The following NBAS variants were observed in gnomAD, a reference collection of about 807,000 sequenced individuals.
NBAS encodes the protein NAG/BC035112 fusion.
Under a neutral mutation model 302.5 loss-of-function variants are expected in NBAS, and 219 were observed. That is an observed-to-expected ratio of 0.72 (90% CI 0.65 to 0.81). The LOEUF (loss-of-function observed/expected upper bound fraction) is 0.81. Ranked by LOEUF, NBAS falls within the 30% of genes least tolerant of loss-of-function variation. NBAS has a pLI of 0.00. For synonymous variants in NBAS, 1,118 were observed against 1,021.6 expected, an observed-to-expected ratio of 1.09 and a Z score of -1.80; for missense variants, 2,932 against 2,841.6, an observed-to-expected ratio of 1.03 and a Z score of -0.72.
At chr2:15,230,176 C>T (rs895186999) in intron 47 of NBAS, among the ~76,000 whole-genome samples, 1 of 152,082 alleles carries the variant, frequency 6.6e-6, no homozygotes, top group African/African-American at 2.4e-5. Context: ...AATAACTTGA[C>T]AGCATTACTT....
At chr2:15,276,036 T>C (rs1004619583) in intron 43 of NBAS, among the ~76,000 whole-genome samples, 1 of 152,160 alleles carries the variant, frequency 6.6e-6, no homozygotes, top group African/African-American at 2.4e-5. Flanking sequence ...AGATAGGCCA[T>C]TCATCTTCTG....
rs143350151 is a variant in NBAS at position 15,190,442 on chromosome 2, G to C, written c.6433-39C>G. On this transcript the variant is annotated intron_variant, in intron 48 of 51. Transcript: ENST00000281513. ...TACACACTTAAAGCTGGTGGCAAAGGCTACTGAATTGGTTTATAGAATAAT... is the reference window on the plus strand; with the variant it reads ...TACACACTTAAAGCTGGTGGCAAAGCCTACTGAATTGGTTTATAGAATAAT... 13,363 of 1,611,520 alleles carry C rather than the reference G, an allele frequency of 8.3e-3. 74 individuals are homozygous for C. Among genetic ancestry groups the C allele is most frequent in the Non-Finnish European group, 9.5e-3 (11,166 of 1,178,402 alleles).
At chr2:14,927,451 T>C in the NBAS span, among the ~76,000 whole-genome samples, 1 of 152,224 alleles carries the variant, frequency 6.6e-6, no homozygotes, top group Non-Finnish European at 1.5e-5. Context: ...ACATTTTCTT[T>C]GTCCATCCCC....
intron 38 of NBAS, among the ~76,000 whole-genome samples, chr2:15,316,619 C>A (rs1021796593): frequency 1.3e-5 from 2 of 152,234 alleles, no homozygotes; most frequent in Non-Finnish European, 2.9e-5. Context: ...GCCTTGCTCA[C>A]TGCTAGCGCA....
At chr2:15,009,426 G>A in the NBAS span, among the ~76,000 whole-genome samples, 1 of 151,654 alleles carries the variant, frequency 6.6e-6, no homozygotes, top group South Asian at 2.1e-4. Flanking sequence ...AATTTTCAAA[G>A]ATTCTTAAAC....
the NBAS span, among the ~76,000 whole-genome samples, chr2:14,964,920 A>C: frequency 6.6e-6 from 1 of 152,278 alleles, no homozygotes; most frequent in Admixed American, 6.5e-5. Flanking sequence ...AAAACTAAAC[A>C]ACACACTTCT....
intron 50 of NBAS, 130 bp from the exon 51 acceptor site, chr2:15,179,246 C>T (rs1437773901): frequency 1.4e-5 from 19 of 1,366,406 alleles, no homozygotes; most frequent in East Asian, 5.0e-5. Context: ...CATATGGTAC[C>T]GCACTGGATA....
intron 49 of NBAS, 23 bp from the exon 50 acceptor site, chr2:15,186,903 C>T (rs372369175): frequency 1.2e-6 from 2 of 1,613,782 alleles, no homozygotes; most frequent in Non-Finnish European, 1.7e-6. Context: ...GAGAAAAATA[C>T]AAGGCACTGG....
chr2:14,994,859 C>A, the NBAS span, among the ~76,000 whole-genome samples: 1 of 152,198 alleles, frequency 6.6e-6, no homozygotes, highest in South Asian at 2.1e-4. Context: ...TATCAGGTAA[C>A]TTCCCAACAG....
the NBAS span, among the ~76,000 whole-genome samples, chr2:14,995,133 A>C: frequency 6.6e-6 from 1 of 152,282 alleles, no homozygotes; most frequent in African/African-American, 2.4e-5. Flanking sequence ...ATATGTACAC[A>C]TGTGCCATGT....
intron 12 of NBAS, among the ~76,000 whole-genome samples, chr2:15,480,758 A>G (rs1425270380): frequency 6.6e-6 from 1 of 152,176 alleles, no homozygotes; most frequent in Non-Finnish European, 1.5e-5. Context: ...GCAGGTTTTA[A>G]TTATCTTGAT....
the NBAS span, among the ~76,000 whole-genome samples, chr2:14,887,086 A>G: frequency 6.6e-6 from 1 of 152,190 alleles, no homozygotes; most frequent in Non-Finnish European, 1.5e-5. Flanking sequence ...TGCATAATTC[A>G]TATTGAACTG....
chr2:15,511,955 C>T (rs192137294), intron 9 of NBAS, among the ~76,000 whole-genome samples: 42 of 152,242 alleles, frequency 2.8e-4, no homozygotes, highest in Admixed American at 7.8e-4. Flanking sequence ...ACTGTGTAAC[C>T]ACTATATAAA....
intron 51 of NBAS, among the ~76,000 whole-genome samples, chr2:15,168,116 T>G (rs560297537): frequency 4.1e-4 from 63 of 152,352 alleles, no homozygotes; most frequent in African/African-American, 1.4e-3. Context: ...TCCACACTGA[T>G]CATATTATCA....
intron 38 of NBAS, among the ~76,000 whole-genome samples, chr2:15,314,797 C>A (rs887231668): frequency 6.6e-6 from 1 of 152,060 alleles, no homozygotes; most frequent in Non-Finnish European, 1.5e-5. Flanking sequence ...TTAATAGGAG[C>A]GTGGATGTAC....
the NBAS span, among the ~76,000 whole-genome samples, chr2:14,922,791 G>T: frequency 1.3e-5 from 2 of 152,184 alleles, no homozygotes; most frequent in Non-Finnish European, 2.9e-5. Context: ...TAACTGAAAG[G>T]AAGTGAAAAA....
intron 40 of NBAS, among the ~76,000 whole-genome samples, chr2:15,298,840 A>G (rs1226599540): frequency 6.6e-6 from 1 of 152,152 alleles, no homozygotes; most frequent in Non-Finnish European, 1.5e-5. Flanking sequence ...TGCACGGGAA[A>G]CACTGTTTCT....
At chr2:15,560,297 A>T (rs932325065) in intron 1 of NBAS, among the ~76,000 whole-genome samples, 5 of 152,130 alleles carry the variant, frequency 3.3e-5, no homozygotes, top group African/African-American at 1.2e-4. Flanking sequence ...CATGGTTCCT[A>T]CTCTTCATCA....
the NBAS span, among the ~76,000 whole-genome samples, chr2:14,890,079 T>C: frequency 6.6e-6 from 1 of 152,248 alleles, no homozygotes; most frequent in Non-Finnish European, 1.5e-5. Flanking sequence ...AAATTCCTAA[T>C]ATATTATTCT....
Sources: gnomAD v4.1 joint callset for allele counts (sites outside exome capture counted in the v4.1 genomes callset) on GRCh38, gnomAD v4.1.1 for gene constraint, MANE v1.5 for transcripts, NCBI Gene and HGNC (gene_info 2026-07-23, HGNC 2026-07-21) for gene names.